KRR1: variants seen among roughly 807,000 people sequenced by gnomAD.
The protein encoded by KRR1 is KRR1 small subunit processome component homolog.
A neutral mutation model predicts 50.0 loss-of-function variants in KRR1; 23 were observed. The observed-to-expected ratio is 0.46, with a 90% CI of 0.33 to 0.65. KRR1 has a LOEUF of 0.65. Among genes scored for constraint, KRR1 ranks in the 30% least tolerant of loss-of-function variants. The pLI is 0.02. For missense variants in KRR1, 419 were observed against 442.4 expected (o/e 0.95, Z 0.47); for synonymous variants, 133 against 146.3 (o/e 0.91, Z 0.66).
rs35071517 is a variant in KRR1, at chr12:75,506,616, CAAAAAAA to C, written c.394-14_394-8del. 6.0e-5 allele frequency: 83 copies of C among 1,372,780 alleles called. No homozygotes were observed. Among genetic ancestry groups the C allele is most frequent in the African/African-American group, 8.5e-5 (5 of 59,104 alleles). The allele number at this position is 1,372,780 out of a possible 1,614,324, so 85.0% of individuals were successfully genotyped here. A position where few individuals can be genotyped will look rare whatever the true frequency, so the allele number is the denominator to read the frequency against. On this transcript the variant is annotated splice_polypyrimidine_tract_variant and splice_region_variant and intron_variant, in intron 3 of 9. Transcript: ENST00000229214. ...CCTGAAGAATTCGTACTGCCTTTTG[CAAAAAAA>C]AAAAAAAAAAGAAGACATTATCAAC... is the stretch of plus-strand genomic sequence containing the variant.
rs748887670 is a variant in KRR1 at position 75,508,393 on chromosome 12, T to C, written c.139A>G (p.Lys47Glu). ...AAAAGTCCTCTGGGATTGTCCTCTT[T>C]GGAAAAAGCTGGTTCCTTCCAACCA... is the stretch of plus-strand genomic sequence containing the variant. ...PDGWKEPAFS[K>E]EDNPRGLLEE... is the part of the protein sequence containing the mutation. Residue 47 changes from lysine to glutamate, a missense_variant, in exon 2 of 10, where the codon AAA becomes GAA. Physicochemically the swap from Lys to Glu is moderately conservative, Grantham distance 56 (BLOSUM62 1). Coordinates refer to ENST00000229214, the MANE Select transcript of KRR1 (RefSeq NM_007043.7). 6.2e-7 allele frequency: 1 copy of C among 1,612,988 alleles called. No homozygotes were observed. Among genetic ancestry groups the C allele is most frequent in the East Asian group, 2.2e-5 (1 of 44,824 alleles).
rs554807424 is a variant in KRR1 at position 75,506,591 on chromosome 12, C to T, written c.412G>A (p.Asp138Asn). The T allele has an allele frequency of 6.9e-7, 1 of 1,446,772 alleles. No individual in the cohort carries two copies. Among genetic ancestry groups the T allele is most frequent in the East Asian group, 2.4e-5 (1 of 42,278 alleles). The allele number at this position is 1,446,772 out of a possible 1,614,324, so 89.6% of individuals were successfully genotyped here. Residue 138 changes from aspartate to asparagine, a missense_variant, in exon 4 of 10, where the codon GAT becomes AAT. Coordinates refer to ENST00000229214, the MANE Select transcript of KRR1 (RefSeq NM_007043.7). ...TTAATGATGTCACATGCAACATCAT[C>T]CTGAAGAATTCGTACTGCCTTTTGC... The part of the protein sequence containing the change: ...SFEQAVRILQ[D>N]DVACDIIKIG...
Position 75,499,060 on chromosome 12 carries a change from T to C in KRR1, c.*749A>G. 1.2e-6 allele frequency: 1 copy of C among 858,664 alleles called. No individual in the cohort carries two copies. The allele number at this position is 858,664 out of a possible 1,614,324, so 53.2% of individuals were successfully genotyped here. A position where few individuals can be genotyped will look rare whatever the true frequency, so the allele number is the denominator to read the frequency against. On this transcript the variant is annotated 3_prime_UTR_variant, in exon 10 of 10. Transcript: ENST00000229214. ...TTTAACCAATAACAATTAGGTGTACTTCTATTTTAAAACATTTCAGAAAAA... is the reference window on the plus strand; with the variant it reads ...TTTAACCAATAACAATTAGGTGTACCTCTATTTTAAAACATTTCAGAAAAA...
At position 75,493,122 on chromosome 12, in the gene KRR1, G is replaced by C. The variant is rs1417920543; in HGVS notation, c.*6687C>G. ...AAACGGGGGGAGGAAGGCAGTTGCAGATCTAGCGGGAACTTTTAGATCATG... is the reference window on the plus strand; with the variant it reads ...AAACGGGGGGAGGAAGGCAGTTGCACATCTAGCGGGAACTTTTAGATCATG... On this transcript the variant is annotated 3_prime_UTR_variant, in exon 10 of 10. Transcript: ENST00000229214. The C allele has an allele frequency of 6.6e-6, 1 of 152,186 alleles. No individual in the cohort carries two copies. Among genetic ancestry groups the C allele is most frequent in the Non-Finnish European group, 1.5e-5 (1 of 68,032 alleles). 9.4% of individuals were successfully genotyped at this position (152,186 alleles called of 1,614,324 possible).
At chr12:75,508,524 G>A in intron 1 of KRR1, 78 bp from the exon 2 acceptor site, 1 of 1,041,996 alleles carries the variant, frequency 9.6e-7, no homozygotes, top group Non-Finnish European at 1.4e-6. Flanking sequence ...CTGTCTTTTG[G>A]ACACTTTATG....
intron 1 of KRR1, among the ~76,000 whole-genome samples, chr12:75,509,624 TGTC>T (rs2046437794): frequency 6.6e-6 from 1 of 150,926 alleles, no homozygotes. Flanking sequence ...GGCCTCGCTC[TGTC>T]ACCCAGGCTG....
intron 2 of KRR1, 119 bp from the exon 3 acceptor site, chr12:75,507,035 C>G: frequency 1.3e-6 from 1 of 766,150 alleles, no homozygotes. Flanking sequence ...TCAATTACTT[C>G]CCTGAAGAAG....
intron 5 of KRR1, 193 bp downstream of exon 5, chr12:75,506,123 G>C (rs954019390): frequency 3.1e-5 from 14 of 450,136 alleles, no homozygotes; most frequent in African/African-American, 2.4e-4. Flanking sequence ...TAGTTGCCAA[G>C]GTTGGCCAAA....
chr12:75,510,777 A>T (rs2046444467), intron 1 of KRR1, among the ~76,000 whole-genome samples: 1 of 152,216 alleles, frequency 6.6e-6, no homozygotes, highest in South Asian at 2.1e-4. Flanking sequence ...CCTGCTATGT[A>T]CGTTACATAA....
intron 1 of KRR1, 85 bp from the exon 2 acceptor site, chr12:75,508,531 T>C: frequency 1.0e-6 from 1 of 957,578 alleles, no homozygotes; most frequent in East Asian, 2.5e-5. Context: ...TTGGACACTT[T>C]ATGAACATCC....
Position 75,495,530 on chromosome 12 carries a change from T to TA in KRR1, c.*4278dup, listed in dbSNP as rs767945471. ...AAGGATTCATAGTAAATTGCAATTT[T>TA]AAAAAACCGAAAAACTTCTAATGGA... On this transcript the variant is annotated 3_prime_UTR_variant, in exon 10 of 10. Coordinates refer to ENST00000229214, the MANE Select transcript of KRR1 (RefSeq NM_007043.7). 1 of 1,114,482 alleles carries TA rather than the reference T, an allele frequency of 9.0e-7. No homozygotes were observed. The highest frequency in any genetic ancestry group is 1.4e-6 in the Non-Finnish European group (1 of 731,176). 69.0% of individuals were successfully genotyped at this position (1,114,482 alleles called of 1,614,324 possible).
At chr12:75,500,070 T>C (rs967544635) in intron 9 of KRR1, 119 bp from the exon 10 acceptor site, 5 of 710,634 alleles carry the variant, frequency 7.0e-6, no homozygotes, top group African/African-American at 5.7e-5. Flanking sequence ...ATTCTTATAA[T>C]TGAATAATTG....
rs189320184 is a variant in KRR1 at position 75,508,801 on chromosome 12, T to C, written c.86-355A>G. Among the ~76,000 whole-genome samples, 5 of 152,344 alleles carry C rather than the reference T, an allele frequency of 3.3e-5. No individual in the cohort carries two copies. The East Asian group carries it at 9.6e-4, about 29-fold the overall frequency. ...ACTACACTATCATAAAATTGAAGAT[T>C]TGAATGCCATTTTGGTTAGTATTTT... On this transcript the variant is annotated intron_variant, in intron 1 of 9. Transcript: ENST00000229214.
At chr12:75,509,266 C>T (rs1475607000) in intron 1 of KRR1, among the ~76,000 whole-genome samples, 1 of 152,182 alleles carries the variant, frequency 6.6e-6, no homozygotes. Context: ...AGTATCAGCA[C>T]AAACTGTAAG....
chr12:75,495,424 A>G lies in KRR1; in HGVS notation c.*4385T>C. On this transcript the variant is annotated 3_prime_UTR_variant, in exon 10 of 10. Transcript: ENST00000229214. ...ACTATGCAAATATTAGCAGCCTTCC[A>G]TTTCTGCCTTCCTGTCTTCACTTCT... The G allele has an allele frequency of 1.7e-6, 1 of 576,144 alleles. No individual in the cohort carries two copies. Among genetic ancestry groups the G allele is most frequent in the Non-Finnish European group, 3.2e-6 (1 of 313,694 alleles). The allele number at this position is 576,144 out of a possible 1,614,324, so 35.7% of individuals were successfully genotyped here.
chr12:75,506,080 G>A (rs1168247854), intron 5 of KRR1: 1 of 368,264 alleles, frequency 2.7e-6, no homozygotes, highest in East Asian at 5.3e-5. Flanking sequence ...GTAATAGTGT[G>A]CAGACCATCT....
intron 6 of KRR1, among the ~76,000 whole-genome samples, chr12:75,504,693 A>C (rs1679376): frequency 0.028 from 4,191 of 152,186 alleles, 186 homozygotes; most frequent in African/African-American, 0.096. Flanking sequence ...AAATAGTTCT[A>C]TATACCATGG....
At position 75,499,783 on chromosome 12, in the gene KRR1, G is replaced by GTTCTAGTCAAGGAGTTTT; in HGVS notation, c.*8_*25dup. The GTTCTAGTCAAGGAGTTTT allele has an allele frequency of 6.4e-7, 1 of 1,561,914 alleles. No homozygotes were observed. Among genetic ancestry groups the GTTCTAGTCAAGGAGTTTT allele is most frequent in the African/African-American group, 1.4e-5 (1 of 71,872 alleles). On this transcript the variant is annotated 3_prime_UTR_variant, in exon 10 of 10. Coordinates refer to ENST00000229214, the MANE Select transcript of KRR1 (RefSeq NM_007043.7). ...TCAAAATCCTTTACAAAAGGAGATAGTTCTAGTCAAGGAGTTTTGGGTATG... is the reference window on the plus strand; with the variant it reads ...TCAAAATCCTTTACAAAAGGAGATAGTTCTAGTCAAGGAGTTTTTTCTAGTCAAGGAGTTTTGGGTATG...
rs1407936097 is a variant in KRR1, at chr12:75,493,277, G to A, written c.*6532C>T. 1 of 152,164 alleles carries A rather than the reference G, an allele frequency of 6.6e-6. No homozygotes were observed. Among genetic ancestry groups the A allele is most frequent in the Non-Finnish European group, 1.5e-5 (1 of 68,040 alleles). 9.4% of individuals were successfully genotyped at this position (152,164 alleles called of 1,614,324 possible). On this transcript the variant is annotated 3_prime_UTR_variant, in exon 10 of 10. Transcript: ENST00000229214. ...AAGGTAAAACAGAGAGACCAGTTAG[G>A]AATGTCCTCATTTCCCTTTGCCCTC...
Sources: gnomAD v4.1 joint callset for allele counts (sites outside exome capture counted in the v4.1 genomes callset) on GRCh38, gnomAD v4.1.1 for gene constraint, MANE v1.5 for transcripts, NCBI Gene and HGNC (gene_info 2026-07-23, HGNC 2026-07-21) for gene names.